The following ZNF578 variants were observed in gnomAD, a reference collection of about 807,000 sequenced individuals.
ZNF578 encodes the protein Putative chemokine-related protein B42.
In ZNF578, 8 loss-of-function variants were observed where a neutral mutation model predicts 8.3. That is an observed-to-expected ratio of 0.96 (90% CI 0.56 to 1.74). The LOEUF (loss-of-function observed/expected upper bound fraction) is 1.74, where lower values mean the gene tolerates loss of function less well. Ranked by LOEUF, ZNF578 falls within the 40% of genes most tolerant of loss-of-function variation. The pLI is 0.00. For missense variants in ZNF578, 726 were observed against 707.5 expected, an observed-to-expected ratio of 1.03 and a Z score of -0.30; for synonymous variants, 206 against 232.2, an observed-to-expected ratio of 0.89 and a Z score of 1.03.
chr19:52,489,377 G>T (rs559948416), intron 2 of ZNF578, among the ~76,000 whole-genome samples: 1 of 152,030 alleles, frequency 6.6e-6, no homozygotes, highest in Non-Finnish European at 1.5e-5. Context: ...ATCACCTGAC[G>T]TCGGGGGTTG....
At position 52,477,773 on chromosome 19, in the gene ZNF578, G is replaced by A. The variant is rs185700415; in HGVS notation, c.-121-13551G>A. ...GTACATTTCACAGGTGCCAGTGCATGTTTACAATCTGCATTTGCATTCTGA... is the reference window on the plus strand; with the variant it reads ...GTACATTTCACAGGTGCCAGTGCATATTTACAATCTGCATTTGCATTCTGA... On this transcript the variant is annotated intron_variant, in intron 2 of 5. Coordinates refer to ENST00000421239, the MANE Select transcript of ZNF578 (RefSeq NM_001099694.2). Among the ~76,000 whole-genome samples, 1,089 of 152,166 alleles carry A rather than the reference G, an allele frequency of 7.2e-3. 15 individuals are homozygous for A. Among genetic ancestry groups the A allele is most frequent in the African/African-American group, 0.025 (1,025 of 41,522 alleles).
At chr19:52,463,095 A>G (rs140599224) in intron 2 of ZNF578, among the ~76,000 whole-genome samples, 2 of 152,248 alleles carry the variant, frequency 1.3e-5, no homozygotes, top group East Asian at 3.9e-4. Context: ...TGTTTATGTA[A>G]TTGCATTTTT....
chr19:52,484,954 C>T (rs1317609702), intron 2 of ZNF578, among the ~76,000 whole-genome samples: 3 of 142,916 alleles, frequency 2.1e-5, no homozygotes, highest in African/African-American at 5.2e-5. Context: ...AAATTTCATG[C>T]GCATCCATGT....
rs10410409 is a variant in ZNF578 at position 52,514,532 on chromosome 19, T to C, written c.*2378T>C. Among the ~76,000 whole-genome samples the C allele has an allele frequency of 0.016, 2,372 of 152,320 alleles. 60 individuals carry two copies. Among genetic ancestry groups the C allele is most frequent in the African/African-American group, 0.053 (2,193 of 41,558 alleles). ...AGTCTGTTTTTCAGTTTTCTTTCCT[T>C]ATGTCATTTTTTAAAATCTTGAGCT... On this transcript the variant is annotated 3_prime_UTR_variant, in exon 6 of 6. Coordinates refer to ENST00000421239, the MANE Select transcript of ZNF578 (RefSeq NM_001099694.2).
At position 52,459,832 on chromosome 19, in the gene ZNF578, T is replaced by C. The variant is rs533648765; in HGVS notation, c.-122+2874T>C. On this transcript the variant is annotated intron_variant, in intron 2 of 5. Coordinates refer to ENST00000421239, the MANE Select transcript of ZNF578 (RefSeq NM_001099694.2). ...ACTCTGTCACCAGGCTGGAGTGCAG[T>C]GGTGCGATCTTGGCTCACTGCAACC... Among the ~76,000 whole-genome samples, 202 of 130,942 alleles carry C rather than the reference T, an allele frequency of 1.5e-3. 1 individual carries two copies. The highest frequency in any genetic ancestry group is 5.6e-3 in the African/African-American group (192 of 34,056). 85.9% of individuals were successfully genotyped at this position (130,942 alleles called of 152,430 possible).
chr19:52,474,767 C>T (rs2059302722), intron 2 of ZNF578: 1 of 195,038 alleles, frequency 5.1e-6, no homozygotes, highest in Admixed American at 5.5e-5. Flanking sequence ...GCAGTGAGGT[C>T]TAACCACTCG....
At chr19:52,462,591 G>A (rs965010788) in intron 2 of ZNF578, among the ~76,000 whole-genome samples, 4 of 152,172 alleles carry the variant, frequency 2.6e-5, no homozygotes, top group African/African-American at 9.7e-5. Context: ...GAGGTTACTC[G>A]AGTTTAGTGG....
At chr19:52,464,882 T>TA (rs2059269688) in intron 2 of ZNF578, among the ~76,000 whole-genome samples, 2 of 152,306 alleles carry the variant, frequency 1.3e-5, no homozygotes, top group South Asian at 2.1e-4. Context: ...AAAGGAATTG[T>TA]AAAAAAGCAG....
At chr19:52,510,109 T>G (rs950061886) in intron 5 of ZNF578, among the ~76,000 whole-genome samples, 2 of 152,186 alleles carry the variant, frequency 1.3e-5, no homozygotes, top group Non-Finnish European at 2.9e-5. Flanking sequence ...AGAATTTCCA[T>G]TGCTTTTGGT....
intron 3 of ZNF578, among the ~76,000 whole-genome samples, chr19:52,500,877 C>CT (rs10594903): frequency 1.0e-4 from 12 of 117,480 alleles, no homozygotes; most frequent in Non-Finnish European, 1.8e-4. Flanking sequence ...TTTTGTGTGA[C>CT]TTTTTTTTTT....
intron 2 of ZNF578, among the ~76,000 whole-genome samples, chr19:52,482,571 CA>C (rs2059330500): frequency 6.6e-6 from 1 of 151,320 alleles, no homozygotes; most frequent in African/African-American, 2.4e-5. Context: ...CTGGGAGGCA[CA>C]GGTTGCAGTG....
intron 2 of ZNF578, among the ~76,000 whole-genome samples, chr19:52,463,271 T>C (rs763878054): frequency 6.6e-6 from 1 of 152,234 alleles, no homozygotes; most frequent in Non-Finnish European, 1.5e-5. Flanking sequence ...TTATATGTGC[T>C]GCAGTCTCAC....
intron 2 of ZNF578, among the ~76,000 whole-genome samples, chr19:52,484,736 C>T (rs559782078): frequency 6.6e-6 from 1 of 151,610 alleles, no homozygotes; most frequent in Non-Finnish European, 1.5e-5. Flanking sequence ...TCAAAAGCTC[C>T]CCCACTGAGT....
intron 4 of ZNF578, among the ~76,000 whole-genome samples, chr19:52,504,055 C>A (rs1035279237): frequency 1.3e-5 from 2 of 151,692 alleles, no homozygotes; most frequent in African/African-American, 4.8e-5. Context: ...ATTGGTCTCC[C>A]AAAATGTTGG....
At chr19:52,502,250 T>C (rs2059410636) in intron 4 of ZNF578, among the ~76,000 whole-genome samples, 1 of 152,184 alleles carries the variant, frequency 6.6e-6, no homozygotes, top group Admixed American at 6.5e-5. Context: ...CATATCTGGA[T>C]GTCAGCTCTT....
At chr19:52,499,893 T>G (rs2059400546) in intron 3 of ZNF578, among the ~76,000 whole-genome samples, 1 of 152,132 alleles carries the variant, frequency 6.6e-6, no homozygotes, top group Admixed American at 6.6e-5. Flanking sequence ...CCTATGGGTC[T>G]GTGCCCCCAG....
intron 3 of ZNF578, among the ~76,000 whole-genome samples, chr19:52,495,976 G>A (rs1344520930): frequency 6.6e-6 from 1 of 152,050 alleles, no homozygotes; most frequent in African/African-American, 2.4e-5. Context: ...TTTGTAATTG[G>A]TTTCCTTTTT....
rs1007790160 is a variant in ZNF578, at chr19:52,511,723, C to T, written c.1342C>T (p.Leu448Phe). 9 of 1,612,910 alleles carry T rather than the reference C, an allele frequency of 5.6e-6. No individual in the cohort carries two copies. The African/African-American group carries it at 1.2e-4, about 22-fold the overall frequency. ...GTCAAGCCTTGCACGTCATCATAGA[C>T]TTCATACTGGAGAGAAATCTTACAA... The part of the protein sequence containing the change: ...HQSSLARHHR[L>F]HTGEKSYKCE... Residue 448 changes from leucine (L) to phenylalanine (F), a missense_variant, in exon 6 of 6, where the codon CTT becomes TTT. Transcript: ENST00000421239.
chr19:52,506,457 A>G (rs1481504871), intron 5 of ZNF578, among the ~76,000 whole-genome samples: 3 of 120,118 alleles, frequency 2.5e-5, no homozygotes, highest in African/African-American at 6.7e-5. Context: ...TTAAAAGTAC[A>G]GTTTCTTTTT....
Sources: gnomAD v4.1 joint callset for allele counts (sites outside exome capture counted in the v4.1 genomes callset) on GRCh38, gnomAD v4.1.1 for gene constraint, MANE v1.5 for transcripts, NCBI Gene and HGNC (gene_info 2026-07-23, HGNC 2026-07-21) for gene names.